C16orf46: variants seen among roughly 807,000 people sequenced by gnomAD.
C16orf46 encodes the protein uncharacterized protein C16orf46.
C16orf46 carries 7 observed loss-of-function variants against 5.5 expected under a neutral mutation model. That is an observed-to-expected ratio of 1.28 (90% CI 0.73 to 2.40). The LOEUF (loss-of-function observed/expected upper bound fraction) is 2.40, where lower values mean the gene tolerates loss of function less well. C16orf46 is among the 30% of genes most tolerant of loss of function. C16orf46 has a pLI of 0.00. For missense variants in C16orf46, 614 were observed against 476.0 expected (o/e 1.29, Z -2.70); for synonymous variants, 200 against 184.1 (o/e 1.09, Z -0.70).
downstream of C16orf46, among the ~76,000 whole-genome samples, chr16:81,057,599 TA>T (rs34329251): frequency 2.8e-4 from 41 of 145,452 alleles, no homozygotes; most frequent in Middle Eastern, 3.4e-3. Context: ...AGTCTTAGGT[TA>T]AAAAAAAAAA....
chr16:81,075,162 C>G (rs1971988358), intron 1 of C16orf46, among the ~76,000 whole-genome samples: 1 of 152,194 alleles, frequency 6.6e-6, no homozygotes, highest in Non-Finnish European at 1.5e-5. Flanking sequence ...GTTTCTAAAT[C>G]TTTTCTACAG....
intron 2 of C16orf46, among the ~76,000 whole-genome samples, chr16:81,064,371 AAAAG>A (rs1971586036): frequency 1.3e-5 from 2 of 151,374 alleles, no homozygotes; most frequent in Non-Finnish European, 3.0e-5. Flanking sequence ...TCAAAAAAAA[AAAAG>A]AAAAGAAAGA....
rs1346881764 is a variant in C16orf46, at chr16:81,063,932, C to T, written c.24G>A (p.Glu8=). 6.2e-7 allele frequency: 1 copy of T among 1,612,800 alleles called. No individual in the cohort carries two copies. Among genetic ancestry groups the T allele is most frequent in the Non-Finnish European group, 8.5e-7 (1 of 1,179,476 alleles). Residue 8 remains glutamate (E), a synonymous_variant, in exon 3 of 4, where the codon GAG becomes GAA. Transcript: ENST00000299578. ...TATTTTCAGCATTTTCTAAGTCAGTCTCATTTTTCTGACAGAGATCCATTA... is the reference window on the plus strand; with the variant it reads ...TATTTTCAGCATTTTCTAAGTCAGTTTCATTTTTCTGACAGAGATCCATTA... MDLCQKN[E]TDLENAENNE... is the part of the protein sequence containing the mutation.
At chr16:81,064,459 A>G (rs892755572) in intron 2 of C16orf46, among the ~76,000 whole-genome samples, 5 of 152,108 alleles carry the variant, frequency 3.3e-5, no homozygotes, top group African/African-American at 1.2e-4. Context: ...ACTATGAAAG[A>G]TAAGGCAGCC....
chr16:81,060,163 G>A (rs1317619750), downstream of C16orf46, among the ~76,000 whole-genome samples: 1 of 152,058 alleles, frequency 6.6e-6, no homozygotes, highest in African/African-American at 2.4e-5. Context: ...CAGACACAGA[G>A]ATTAGTATGA....
chr16:81,059,610 T>C (rs1368366659), downstream of C16orf46, among the ~76,000 whole-genome samples: 1 of 152,018 alleles, frequency 6.6e-6, no homozygotes, highest in African/African-American at 2.4e-5. Context: ...TTAATTTAGA[T>C]AGAACGGTGG....
At chr16:81,059,589 A>G (rs759649200), downstream of C16orf46, among the ~76,000 whole-genome samples, 2 of 152,188 alleles carry the variant, frequency 1.3e-5, no homozygotes, top group Non-Finnish European at 2.9e-5. Flanking sequence ...TAAATCATTT[A>G]CAAATGTCAT....
At position 81,061,350 on chromosome 16, in the gene C16orf46, T is replaced by A; in HGVS notation, c.999A>T (p.Gln333His). 1 of 1,614,102 alleles carries A rather than the reference T, an allele frequency of 6.2e-7. No homozygotes were observed. Among genetic ancestry groups the A allele is most frequent in the Non-Finnish European group, 8.5e-7 (1 of 1,180,016 alleles). The change falls in exon 4 of 4, where the codon CAA becomes CAT. Residue 333 changes from glutamine (Q) to histidine (H), a missense_variant. Gln to His is a conservative substitution (Grantham distance 24). Coordinates refer to ENST00000299578, the MANE Select transcript of C16orf46 (RefSeq NM_152337.3). ...TGGCTTTGAATTTGGATTTGTAGCT[T>A]TGCACTCCCCGTTTCTGCAGAAGCT... Reference protein sequence around the residue: ...ALQLLQKRGVQSYKSKFKAKE... With the variant: ...ALQLLQKRGVHSYKSKFKAKE...
chr16:81,061,871 T>A lies in C16orf46; in HGVS notation c.478A>T (p.Lys160Ter). Residue 160 changes from lysine (K) to a stop codon, truncating the protein, a stop_gained, in exon 4 of 4, where the codon AAA becomes TAA. Transcript: ENST00000299578. LOFTEE classifies it low-confidence loss of function (END_TRUNC). ...AACTCCTTGATTTGCAGACTTTTTT[T>A]CTCTGCTCGAAAGTAGGTGGGAAAG... ...ICFPTYFRAEKKSLQIKEFIW... is the reference protein window; with the variant it reads ...ICFPTYFRAE 6.2e-7 allele frequency: 1 copy of A among 1,614,224 alleles called. No homozygotes were observed. Among genetic ancestry groups the A allele is most frequent in the African/African-American group, 1.3e-5 (1 of 75,046 alleles).
At chr16:81,069,226 A>G (rs1445715724) in intron 1 of C16orf46, among the ~76,000 whole-genome samples, 1 of 152,150 alleles carries the variant, frequency 6.6e-6, no homozygotes, top group East Asian at 1.9e-4. Flanking sequence ...GTCAGTCTCG[A>G]CTACCTAGCA....
At chr16:81,071,598 T>A (rs1245947575) in intron 1 of C16orf46, among the ~76,000 whole-genome samples, 2 of 152,034 alleles carry the variant, frequency 1.3e-5, no homozygotes, top group Non-Finnish European at 2.9e-5. Flanking sequence ...TTTTTTTTAA[T>A]GGCCAGGCGT....
At position 81,063,866 on chromosome 16, in the gene C16orf46, AG is replaced by A. The variant is rs1452294568; in HGVS notation, c.89del (p.Thr30IlefsTer65). 6.2e-7 allele frequency: 1 copy of A among 1,613,548 alleles called. No homozygotes were observed. Among genetic ancestry groups the A allele is most frequent in the Non-Finnish European group, 8.5e-7 (1 of 1,179,702 alleles). The stretch of plus-strand genomic sequence containing the variant: ...TTTTTTCACTTTTTCCATCTGGACA[AG>A]TATAGGTTGGTTCTGTTTCTTCTGT... Reference protein sequence around the residue: ...QFTEETEPTYTCPDGKSEKNH... With the variant: ...QFTEETEPTYXCPDGKSEKNH... On this transcript the variant is annotated frameshift_variant, in exon 3 of 4. Coordinates refer to ENST00000299578, the MANE Select transcript of C16orf46 (RefSeq NM_152337.3). LOFTEE classifies it high-confidence loss of function.
chr16:81,072,700 A>T lies in C16orf46; in HGVS notation c.-128+4436T>A, dbSNP rs1231547328. On this transcript the variant is annotated intron_variant, in intron 1 of 3. Transcript: ENST00000299578. ...TGCCCACCCTAGTTTTTATTTTTTT[A>T]TTTTTATTTTTATGTTTTTGAGACA... 3.5e-5 allele frequency among the ~76,000 whole-genome samples: 5 copies of T among 143,886 alleles called. 1 individual carries two copies. The highest frequency in any genetic ancestry group is 4.5e-4 in the South Asian group (2 of 4,494). The allele number at this position is 143,886 out of a possible 152,430, so 94.4% of individuals were successfully genotyped here.
intron 1 of C16orf46, among the ~76,000 whole-genome samples, chr16:81,075,814 T>A (rs1972019154): frequency 1.3e-5 from 2 of 152,124 alleles, no homozygotes; most frequent in South Asian, 4.1e-4. Flanking sequence ...AGATTCCTAA[T>A]CCATTAAGGG....
downstream of C16orf46, among the ~76,000 whole-genome samples, chr16:81,057,479 G>A (rs946140421): frequency 2.7e-5 from 4 of 150,338 alleles, no homozygotes; most frequent in Non-Finnish European, 2.9e-5. Flanking sequence ...AACCCGGGAG[G>A]CAGAGTTTGT....
At chr16:81,059,166 C>T (rs960749803), downstream of C16orf46, among the ~76,000 whole-genome samples, 8 of 151,562 alleles carry the variant, frequency 5.3e-5, no homozygotes, top group Admixed American at 5.3e-4. Flanking sequence ...ACTAATAATA[C>T]AAAAATGAGC....
At chr16:81,066,742 T>C (rs959163193) in intron 1 of C16orf46, among the ~76,000 whole-genome samples, 4 of 152,216 alleles carry the variant, frequency 2.6e-5, no homozygotes, top group Non-Finnish European at 2.9e-5. Context: ...CAAGAGCTCA[T>C]GCCATCCCAT....
At chr16:81,076,994 C>G (rs1972064885) in intron 1 of C16orf46, 142 bp downstream of exon 1, 1 of 152,432 alleles carries the variant, frequency 6.6e-6, no homozygotes, top group South Asian at 2.1e-4. Context: ...CCCGCCCGCT[C>G]TGGGGAAGCC....
intron 3 of C16orf46, among the ~76,000 whole-genome samples, chr16:81,063,088 A>G (rs941644605): frequency 6.6e-6 from 1 of 151,778 alleles, no homozygotes; most frequent in Non-Finnish European, 1.5e-5. Context: ...TCTACTAAAA[A>G]TACAAAAATT....
Sources: allele counts gnomAD v4.1 joint callset (sites outside exome capture counted in the v4.1 genomes callset), GRCh38; gene constraint gnomAD v4.1.1; transcripts MANE v1.5; gene names NCBI Gene and HGNC (gene_info 2026-07-23, HGNC 2026-07-21).